The following PRKCA variants were observed in gnomAD, a reference collection of about 807,000 sequenced individuals.
PRKCA encodes the protein protein kinase C alpha.
In PRKCA, 27 loss-of-function variants were observed where a neutral mutation model predicts 87.0. The observed-to-expected ratio is 0.31, with a 90% CI of 0.23 to 0.43. The LOEUF is 0.43. Ranked by LOEUF, PRKCA falls within the 20% of genes least tolerant of loss-of-function variation. PRKCA has a pLI of 1.00. For synonymous variants in PRKCA, 329 were observed against 311.1 expected (o/e 1.06, Z -0.61); for missense variants, 518 against 852.3 (o/e 0.61, Z 4.88).
rs187660158 is a variant in PRKCA at position 66,642,814 on chromosome 17, G to A, written c.400+1348G>A. Among the ~76,000 whole-genome samples, 139 of 152,200 alleles carry A rather than the reference G, an allele frequency of 9.1e-4. 1 individual carries two copies. Among genetic ancestry groups the A allele is most frequent in the South Asian group, 4.6e-3 (22 of 4,816 alleles). On this transcript the variant is annotated intron_variant, in intron 4 of 16. Transcript: ENST00000413366. The stretch of plus-strand genomic sequence containing the variant: ...TCCCAGCACTTTGGGAGGCCGAGGC[G>A]GGAGGATCACCTGAGGTTAGGAGTT...
intron 3 of PRKCA, among the ~76,000 whole-genome samples, chr17:66,571,343 C>A (rs1969073382): frequency 1.3e-5 from 2 of 151,844 alleles, no homozygotes; most frequent in African/African-American, 4.8e-5. Flanking sequence ...TTTTTTTAAT[C>A]CATATTTCAA....
chr17:66,712,805 C>A (rs1301140442), intron 8 of PRKCA, among the ~76,000 whole-genome samples: 1 of 152,060 alleles, frequency 6.6e-6, no homozygotes, highest in African/African-American at 2.4e-5. Flanking sequence ...TTCTCCAAGT[C>A]TAAAATGGAA....
At chr17:66,719,753 C>A (rs373370836) in intron 8 of PRKCA, among the ~76,000 whole-genome samples, 2 of 152,174 alleles carry the variant, frequency 1.3e-5, no homozygotes, top group Non-Finnish European at 2.9e-5. Context: ...GAAGATAGAG[C>A]GAGACTCCGT....
At chr17:66,341,114 C>T (rs1489652443) in intron 2 of PRKCA, among the ~76,000 whole-genome samples, 3 of 152,080 alleles carry the variant, frequency 2.0e-5, no homozygotes, top group Admixed American at 6.5e-5. Context: ...AACCACATAC[C>T]TCAGGATACA....
At chr17:66,518,181 G>A (rs774062203) in intron 3 of PRKCA, among the ~76,000 whole-genome samples, 20 of 152,154 alleles carry the variant, frequency 1.3e-4, no homozygotes, top group Admixed American at 6.5e-4. Flanking sequence ...AGAAGGCTAC[G>A]GGCATTGTTT....
chr17:66,407,961 C>T (rs976721394), intron 2 of PRKCA, among the ~76,000 whole-genome samples: 14 of 152,096 alleles, frequency 9.2e-5, no homozygotes, highest in East Asian at 1.9e-4. Context: ...AGCTGAAATT[C>T]GTCTTTTTGA....
At chr17:66,640,036 G>A (rs1398542704) in intron 3 of PRKCA, among the ~76,000 whole-genome samples, 2 of 151,962 alleles carry the variant, frequency 1.3e-5, no homozygotes, top group Non-Finnish European at 2.9e-5. Context: ...AATAAGCAGA[G>A]GCCCCAGAAG....
intron 8 of PRKCA, among the ~76,000 whole-genome samples, chr17:66,707,575 T>C (rs948184730): frequency 6.6e-6 from 1 of 152,204 alleles, no homozygotes; most frequent in African/African-American, 2.4e-5. Flanking sequence ...TGGACCAGTT[T>C]CTTTCCCATA....
intron 2 of PRKCA, among the ~76,000 whole-genome samples, chr17:66,385,733 A>G (rs1320927394): frequency 6.6e-6 from 1 of 152,046 alleles, no homozygotes; most frequent in African/African-American, 2.4e-5. Flanking sequence ...TAAAAATAAT[A>G]CTTGATAGAA....
chr17:66,386,547 C>T (rs972052635), intron 2 of PRKCA, among the ~76,000 whole-genome samples: 3 of 152,146 alleles, frequency 2.0e-5, no homozygotes, highest in African/African-American at 7.2e-5. Context: ...ATAAAATAGC[C>T]AGTGCATATG....
intron 2 of PRKCA, among the ~76,000 whole-genome samples, chr17:66,325,391 A>G (rs1284449460): frequency 1.3e-5 from 2 of 152,178 alleles, no homozygotes; most frequent in African/African-American, 4.8e-5. Flanking sequence ...TGAGTCACGT[A>G]TTGCTTTCAT....
At chr17:66,583,662 A>T (rs1969510716) in intron 3 of PRKCA, among the ~76,000 whole-genome samples, 1 of 152,080 alleles carries the variant, frequency 6.6e-6, no homozygotes, top group South Asian at 2.1e-4. Context: ...CGAATGGAGA[A>T]ATGTTTGAAA....
At chr17:66,531,086 A>C (rs1967519216) in intron 3 of PRKCA, among the ~76,000 whole-genome samples, 1 of 152,150 alleles carries the variant, frequency 6.6e-6, no homozygotes. Flanking sequence ...TTTCAGTAAC[A>C]TTCTTTGCTC....
At chr17:66,657,065 T>C (rs1264342811) in intron 5 of PRKCA, among the ~76,000 whole-genome samples, 6 of 152,212 alleles carry the variant, frequency 3.9e-5, no homozygotes, top group Non-Finnish European at 2.9e-5. Context: ...CGTTTCCAAT[T>C]GGAAAGATTC....
chr17:66,773,839 C>T (rs1974991290), intron 13 of PRKCA, 148 bp from the exon 14 acceptor site: 4 of 1,344,046 alleles, frequency 3.0e-6, no homozygotes, highest in East Asian at 4.7e-5. Context: ...TTGAAGGGTC[C>T]TCTTCCCTTG....
At chr17:66,632,128 C>T (rs1306825024) in intron 3 of PRKCA, among the ~76,000 whole-genome samples, 1 of 152,130 alleles carries the variant, frequency 6.6e-6, no homozygotes, top group East Asian at 1.9e-4. Flanking sequence ...GCTTTTCCCC[C>T]AATGGTGTCT....
Position 66,803,983 on chromosome 17 carries a change from G to A in PRKCA, c.1965G>A (p.Gly655=), listed in dbSNP as rs1273853113. The change falls in exon 17 of 17, where the codon GGG becomes GGA. Residue 655 remains glycine (G), a synonymous_variant. Coordinates refer to ENST00000413366, the MANE Select transcript of PRKCA (RefSeq NM_002737.3). This position sits in a 1 kb window ranked among gnomAD's most constrained non-coding sequence, Gnocchi z 4.4. The part of the protein sequence containing the change: ...IANIDQSDFE[G]FSYVNPQFVH... Reference sequence around the variant, plus strand: ...ACATAGACCAGTCTGATTTTGAAGGGTTCTCGTATGTCAACCCCCAGTTTG... The same window carrying A: ...ACATAGACCAGTCTGATTTTGAAGGATTCTCGTATGTCAACCCCCAGTTTG... The A allele has an allele frequency of 1.2e-6, 2 of 1,613,856 alleles. No individual in the cohort carries two copies. The highest frequency in any genetic ancestry group is 8.5e-7 in the Non-Finnish European group (1 of 1,179,970).
chr17:66,494,189 T>A (rs1293530026), intron 2 of PRKCA, among the ~76,000 whole-genome samples: 1 of 152,198 alleles, frequency 6.6e-6, no homozygotes, highest in Non-Finnish European at 1.5e-5. Flanking sequence ...GGGAACTGTA[T>A]TATCATTGGT....
intron 3 of PRKCA, among the ~76,000 whole-genome samples, chr17:66,530,824 G>A (rs1363950366): frequency 2.0e-5 from 3 of 151,818 alleles, no homozygotes; most frequent in Admixed American, 1.3e-4. Flanking sequence ...GCGTTTCAGA[G>A]GTGGTAATAT....
Sources: gnomAD v4.1 joint callset for allele counts (sites outside exome capture counted in the v4.1 genomes callset) on GRCh38, gnomAD v4.1.1 for gene constraint, Gnocchi (gnomAD v3.1) non-coding constraint, MANE v1.5 for transcripts, NCBI Gene and HGNC (gene_info 2026-07-23, HGNC 2026-07-21) for gene names.